The following KCTD1 variants were observed in gnomAD, a reference collection of about 807,000 sequenced individuals.
KCTD1 encodes potassium channel tetramerization domain containing 1.
In KCTD1, 24 loss-of-function variants were observed where a neutral mutation model predicts 66.0. That is an observed-to-expected ratio of 0.36 (90% confidence interval 0.26 to 0.51). KCTD1 has a LOEUF of 0.51. Among genes scored for constraint, KCTD1 ranks in the 20% least tolerant of loss-of-function variants. The pLI is 0.95. For synonymous variants in KCTD1, 511 were observed against 517.2 expected (o/e 0.99, Z 0.16); for missense variants, 943 against 1,205.2 (o/e 0.78, Z 3.22).
At chr18:26,646,504 G>T (rs1325298719) in intron 1 of KCTD1, among the ~76,000 whole-genome samples, 1 of 152,144 alleles carries the variant, frequency 6.6e-6, no homozygotes, top group African/African-American at 2.4e-5. Flanking sequence ...TATCTGTCAT[G>T]CTCCTTAGCA....
intron 1 of KCTD1, among the ~76,000 whole-genome samples, chr18:26,619,715 G>A (rs182793376): frequency 1.3e-5 from 2 of 152,182 alleles, no homozygotes; most frequent in African/African-American, 4.8e-5. Context: ...ATAGAAGCAC[G>A]GGAAAGATGC....
At chr18:26,546,041 T>C (rs1346409730) in intron 1 of KCTD1, among the ~76,000 whole-genome samples, 1 of 152,136 alleles carries the variant, frequency 6.6e-6, no homozygotes, top group Non-Finnish European at 1.5e-5. Flanking sequence ...AATGTTTCAG[T>C]GCCCACAGTG....
At position 26,476,810 on chromosome 18, in the gene KCTD1, T is replaced by C. The variant is rs2144602780; in HGVS notation, c.1989-151A>G. ...TTGTCTGCAAAGTGTTGGTCCCCGC[T>C]TGATAAATATCTCAGGACGAGACCA... On this transcript the variant is annotated intron_variant, in intron 2 of 4. Transcript: ENST00000580059. The surrounding 1 kb of genome is among the most constrained non-coding windows in gnomAD (Gnocchi z 4.9). 1 of 641,158 alleles carries C rather than the reference T, an allele frequency of 1.6e-6. No homozygotes were observed. The highest frequency in any genetic ancestry group is 2.9e-5 in the East Asian group (1 of 34,866). 39.7% of individuals were successfully genotyped at this position (641,158 alleles called of 1,614,324 possible).
intron 1 of KCTD1, among the ~76,000 whole-genome samples, chr18:26,625,085 T>C (rs78183575): frequency 0.065 from 9,872 of 152,294 alleles, 418 homozygotes; most frequent in Non-Finnish European, 0.093. Context: ...TTTTTCCCAA[T>C]GCCTGTACCC....
chr18:26,548,890 C>A, upstream of KCTD1: 20 of 995,176 alleles, frequency 2.0e-5, no homozygotes, highest in Non-Finnish European at 2.4e-5. Flanking sequence ...TCCCAACTTA[C>A]CCTCTGGCGG....
In KCTD1 at chr18:26,476,191, A is replaced by T. The variant is rs1479579149; in HGVS notation, c.2133+324T>A. On this transcript the variant is annotated intron_variant, in intron 3 of 4. Coordinates refer to ENST00000580059, the MANE Select transcript of KCTD1 (RefSeq NM_001142730.3). This position sits in a 1 kb window ranked among gnomAD's most constrained non-coding sequence, Gnocchi z 4.9. ...CGATTTCTAGGGGCGGGGACGGGGA[A>T]GTCTTCATTAAGCTAAGGAGGTTTC... Among the ~76,000 whole-genome samples the T allele has an allele frequency of 6.6e-6, 1 of 152,226 alleles. No individual in the cohort carries two copies. The highest frequency in any genetic ancestry group is 2.4e-5 in the African/African-American group (1 of 41,454).
intron 1 of KCTD1, among the ~76,000 whole-genome samples, chr18:26,574,595 G>A (rs551034732): frequency 3.3e-5 from 5 of 152,276 alleles, no homozygotes; most frequent in African/African-American, 4.8e-5. Context: ...TAATAACTAC[G>A]AATATTAATT....
At chr18:26,623,529 TCTC>T (rs1471833161) in intron 1 of KCTD1, among the ~76,000 whole-genome samples, 2 of 152,164 alleles carry the variant, frequency 1.3e-5, no homozygotes, top group Admixed American at 6.5e-5. Context: ...GCTTGACACT[TCTC>T]CTTTCTGCCA....
chr18:26,465,421 C>G (rs1290421320), intron 3 of KCTD1, among the ~76,000 whole-genome samples: 1 of 152,178 alleles, frequency 6.6e-6, no homozygotes, highest in African/African-American at 2.4e-5. Flanking sequence ...GGGACTGGCC[C>G]ACGTGCCCCT....
chr18:26,461,946 G>T (rs1364333006), intron 3 of KCTD1, among the ~76,000 whole-genome samples: 1 of 152,062 alleles, frequency 6.6e-6, no homozygotes, highest in East Asian at 1.9e-4. Context: ...ACGAAACCCC[G>T]TCTCTACTAA....
chr18:26,501,889 C>A (rs947978967), intron 1 of KCTD1, among the ~76,000 whole-genome samples: 2 of 152,234 alleles, frequency 1.3e-5, no homozygotes. Context: ...CACAAGCGAA[C>A]TGCTCTTCTG....
chr18:26,464,157 G>T (rs527329752), intron 3 of KCTD1, among the ~76,000 whole-genome samples: 3 of 152,338 alleles, frequency 2.0e-5, no homozygotes, highest in South Asian at 4.1e-4. Context: ...TTCCCTTACA[G>T]TTCTTCAGGT....
intron 1 of KCTD1, among the ~76,000 whole-genome samples, chr18:26,624,270 G>A (rs994500021): frequency 3.3e-5 from 5 of 152,314 alleles, no homozygotes; most frequent in South Asian, 2.1e-4. Context: ...AAGTAATGAG[G>A]AGCCAAATGT....
At chr18:26,557,909 T>C (rs1985745511) in intron 1 of KCTD1, among the ~76,000 whole-genome samples, 1 of 152,222 alleles carries the variant, frequency 6.6e-6, no homozygotes, top group South Asian at 2.1e-4. Flanking sequence ...CAAAACATCA[T>C]CTTGGCTCCT....
At chr18:26,541,352 T>C (rs149840149) in intron 1 of KCTD1, among the ~76,000 whole-genome samples, 1 of 152,274 alleles carries the variant, frequency 6.6e-6, no homozygotes, top group East Asian at 1.9e-4. Context: ...AAAGCACATA[T>C]GATTAAAAAC....
intron 1 of KCTD1, chr18:26,599,667 G>A (rs1986845091): frequency 6.8e-7 from 1 of 1,477,252 alleles, no homozygotes; most frequent in Non-Finnish European, 9.5e-7. Context: ...CAGATCCTTC[G>A]GCCTGGTGGA....
intron 1 of KCTD1, among the ~76,000 whole-genome samples, chr18:26,605,723 T>C (rs1023607763): frequency 8.6e-6 from 1 of 116,398 alleles, no homozygotes; most frequent in African/African-American, 3.3e-5. Flanking sequence ...TATATATCTC[T>C]ATATCTATCT....
At chr18:26,619,254 G>GGAAAGTAT in intron 1 of KCTD1, among the ~76,000 whole-genome samples, 1 of 152,208 alleles carries the variant, frequency 6.6e-6, no homozygotes, top group Non-Finnish European at 1.5e-5. Flanking sequence ...TCCTGCTACA[G>GGAAAGTAT]TGTGTCTTAA....
intron 1 of KCTD1, among the ~76,000 whole-genome samples, chr18:26,651,936 G>A (rs1461507443): frequency 1.3e-5 from 2 of 152,120 alleles, no homozygotes; most frequent in Admixed American, 6.5e-5. Flanking sequence ...AACAAGATGG[G>A]TGCAGAATAC....
Sources: gnomAD v4.1 joint callset for allele counts (sites outside exome capture counted in the v4.1 genomes callset) on GRCh38, gnomAD v4.1.1 for gene constraint, Gnocchi (gnomAD v3.1) non-coding constraint, MANE v1.5 for transcripts, NCBI Gene and HGNC (gene_info 2026-07-23, HGNC 2026-07-21) for gene names.